PRR16: variants seen among roughly 807,000 people sequenced by gnomAD.
The protein encoded by PRR16 is proline rich 16.
A neutral mutation model predicts 18.2 loss-of-function variants in PRR16; 6 were observed. That is an observed-to-expected ratio of 0.33 (90% CI 0.18 to 0.65). The LOEUF is 0.65. PRR16 is among the 30% of genes least tolerant of loss of function. The probability of loss-of-function intolerance (pLI) is 0.74; values close to 1 mark genes in which losing one functional copy is unlikely to be tolerated. For missense variants in PRR16, 412 were observed against 376.6 expected, an observed-to-expected ratio of 1.09 and a Z score of -0.78; for synonymous variants, 151 against 147.8, an observed-to-expected ratio of 1.02 and a Z score of -0.16.
intron 1 of PRR16, among the ~76,000 whole-genome samples, chr5:120,535,890 C>T (rs1393156977): frequency 6.6e-6 from 1 of 152,066 alleles, no homozygotes; most frequent in East Asian, 1.9e-4. Context: ...ATGTCTTGAG[C>T]CCAGGAGTTC....
chr5:120,723,320 C>A, the PRR16 span, among the ~76,000 whole-genome samples: 1,037 of 151,978 alleles, frequency 6.8e-3, 21 homozygotes, highest in African/African-American at 0.023. Flanking sequence ...AACCTCATTG[C>A]AATTTCAATT....
intron 1 of PRR16, among the ~76,000 whole-genome samples, chr5:120,684,837 G>A (rs1433779255): frequency 2.6e-5 from 4 of 152,144 alleles, no homozygotes; most frequent in Non-Finnish European, 5.9e-5. Context: ...TCCATTCAAT[G>A]TTCCTATCTT....
At chr5:120,572,388 G>A (rs901255576) in intron 1 of PRR16, among the ~76,000 whole-genome samples, 1 of 152,166 alleles carries the variant, frequency 6.6e-6, no homozygotes, top group South Asian at 2.1e-4. Context: ...TGAGGGTAAA[G>A]GAAGAATCAG....
intron 1 of PRR16, among the ~76,000 whole-genome samples, chr5:120,608,749 G>A (rs1471630202): frequency 6.6e-6 from 1 of 152,094 alleles, no homozygotes; most frequent in African/African-American, 2.4e-5. Flanking sequence ...CCCCTAGACG[G>A]TGTTTCATCT....
intron 1 of PRR16, among the ~76,000 whole-genome samples, chr5:120,579,519 G>A (rs186832235): frequency 2.6e-5 from 4 of 152,084 alleles, no homozygotes; most frequent in African/African-American, 9.6e-5. Context: ...ATCCTTTCCC[G>A]TTTGCTTGTA....
chr5:120,544,692 G>A (rs1236635365), intron 1 of PRR16, among the ~76,000 whole-genome samples: 1 of 151,580 alleles, frequency 6.6e-6, no homozygotes, highest in East Asian at 2.0e-4. Flanking sequence ...AAAGTCATTC[G>A]TGATTTACCA....
At chr5:120,657,184 T>C (rs1237830058) in intron 1 of PRR16, among the ~76,000 whole-genome samples, 1 of 151,978 alleles carries the variant, frequency 6.6e-6, no homozygotes, top group Non-Finnish European at 1.5e-5. Context: ...AGAAATGATC[T>C]ACATGTATTT....
intron 1 of PRR16, among the ~76,000 whole-genome samples, chr5:120,498,359 G>A (rs890879050): frequency 6.9e-6 from 1 of 145,130 alleles, no homozygotes; most frequent in African/African-American, 2.5e-5. Context: ...ATCTATAAAT[G>A]TATATATATA....
chr5:120,709,988 A>G, the PRR16 span, among the ~76,000 whole-genome samples: 1 of 152,128 alleles, frequency 6.6e-6, no homozygotes, highest in Non-Finnish European at 1.5e-5. Flanking sequence ...TGGATATATA[A>G]CCACCAGTGA....
chr5:120,490,319 A>C (rs1749981477), intron 1 of PRR16, among the ~76,000 whole-genome samples: 1 of 152,152 alleles, frequency 6.6e-6, no homozygotes, highest in Non-Finnish European at 1.5e-5. Flanking sequence ...CGTTTCAGAT[A>C]GTCCCATATT....
chr5:120,743,243 C>T, the PRR16 span, among the ~76,000 whole-genome samples: 1 of 151,940 alleles, frequency 6.6e-6, no homozygotes, highest in Non-Finnish European at 1.5e-5. Context: ...CCCATTTCCC[C>T]AGTTATTTTA....
chr5:120,737,432 C>A, the PRR16 span, among the ~76,000 whole-genome samples: 1 of 145,528 alleles, frequency 6.9e-6, no homozygotes. Flanking sequence ...GGTGCGTTAC[C>A]TTGATTGATT....
At chr5:120,573,702 T>G (rs1294919746) in intron 1 of PRR16, among the ~76,000 whole-genome samples, 1 of 152,168 alleles carries the variant, frequency 6.6e-6, no homozygotes, top group Non-Finnish European at 1.5e-5. Context: ...TATTTTGCAT[T>G]TGTGTAATAA....
chr5:120,751,291 C>A, the PRR16 span, among the ~76,000 whole-genome samples: 3 of 152,116 alleles, frequency 2.0e-5, no homozygotes, highest in Non-Finnish European at 2.9e-5. Context: ...ATACACCTAG[C>A]AAAAGTATTG....
intron 1 of PRR16, among the ~76,000 whole-genome samples, chr5:120,546,925 C>T (rs190508139): frequency 6.0e-4 from 91 of 152,092 alleles, no homozygotes; most frequent in Admixed American, 1.1e-3. Context: ...TATGGGCTAT[C>T]GGCTAGTTAT....
intron 1 of PRR16, among the ~76,000 whole-genome samples, chr5:120,621,845 C>T (rs1215850658): frequency 6.6e-6 from 1 of 152,172 alleles, no homozygotes; most frequent in African/African-American, 2.4e-5. Flanking sequence ...GAACCTCTTT[C>T]CTTTATAAAT....
At chr5:120,589,482 G>A (rs9327151) in intron 1 of PRR16, among the ~76,000 whole-genome samples, 131,629 of 152,040 alleles carry the variant, frequency 0.87, 57,259 homozygotes, top group African/African-American at 0.94. Context: ...GTATAAGGCT[G>A]TAGATTTAGG....
At chr5:120,486,244 G>A (rs1045432979) in intron 1 of PRR16, among the ~76,000 whole-genome samples, 5 of 152,200 alleles carry the variant, frequency 3.3e-5, no homozygotes, top group African/African-American at 1.2e-4. Context: ...CACAGTGGTT[G>A]AACTAGTTTA....
At chr5:120,672,377 T>G (rs1293874332) in intron 1 of PRR16, among the ~76,000 whole-genome samples, 1 of 150,880 alleles carries the variant, frequency 6.6e-6, no homozygotes, top group South Asian at 2.1e-4. Flanking sequence ...CTAAGAGAAG[T>G]GAAAAGAGTG....
Sources: gnomAD v4.1 joint callset for allele counts (sites outside exome capture counted in the v4.1 genomes callset) on GRCh38, gnomAD v4.1.1 for gene constraint, MANE v1.5 for transcripts, NCBI Gene and HGNC (gene_info 2026-07-23, HGNC 2026-07-21) for gene names.